SLC12A3: variants seen among roughly 807,000 people sequenced by gnomAD.
SLC12A3 encodes Na-Cl cotransporter.
A neutral mutation model predicts 121.0 loss-of-function variants in SLC12A3; 104 were observed. That is an observed-to-expected ratio of 0.86 (90% CI 0.73 to 1.01). SLC12A3 has a LOEUF of 1.01. Ranked by LOEUF, SLC12A3 falls within the 50% of genes least tolerant of loss-of-function variation. The pLI is 0.00. For missense variants in SLC12A3, 1,328 were observed against 1,356.3 expected (o/e 0.98, Z 0.33); for synonymous variants, 536 against 533.4 (o/e 1.00, Z -0.07).
chr16:56,903,361 G>A (rs541521057), intron 24 of SLC12A3, among the ~76,000 whole-genome samples: 2 of 152,252 alleles, frequency 1.3e-5, no homozygotes, highest in South Asian at 2.1e-4. Context: ...GAGCGAGAGC[G>A]ATGGGGGCAA....
chr16:56,898,643 C>T (rs940020907), intron 22 of SLC12A3, among the ~76,000 whole-genome samples: 1 of 152,236 alleles, frequency 6.6e-6, no homozygotes, highest in East Asian at 1.9e-4. Flanking sequence ...CAATCTTACC[C>T]CTCTTTCACC....
intron 25 of SLC12A3, among the ~76,000 whole-genome samples, chr16:56,912,382 G>A (rs551306580): frequency 8.5e-5 from 13 of 152,336 alleles, no homozygotes; most frequent in South Asian, 8.3e-4. Context: ...TTTTATTCAC[G>A]CAGCATTGCA....
chr16:56,894,829 A>G (rs2055440676), intron 22 of SLC12A3, among the ~76,000 whole-genome samples, 187 bp downstream of exon 22: 1 of 152,272 alleles, frequency 6.6e-6, no homozygotes, highest in Middle Eastern at 3.4e-3. Context: ...GTTTCTCTCC[A>G]TTCCAGAAGT....
chr16:56,870,189 C>A lies in SLC12A3; in HGVS notation c.695C>A (p.Ala232Asp). The A allele has an allele frequency of 1.9e-6, 3 of 1,613,996 alleles. No homozygotes were observed. The highest frequency in any genetic ancestry group is 2.5e-6 in the Non-Finnish European group (3 of 1,180,020). ...GCTTTCGCCAATGCCGTGGGTGTGG[C>A]CATGCACACGGTGGGCTTTGCAGAG... is the stretch of plus-strand genomic sequence containing the variant. ...IFAFANAVGV[A>D]MHTVGFAETV... Residue 232 changes from alanine (A) to aspartate (D), a missense_variant, in exon 5 of 26, where the codon GCC becomes GAC. Ala to Asp is a moderately radical substitution (Grantham distance 126). Coordinates refer to ENST00000563236, the MANE Select transcript of SLC12A3 (RefSeq NM_001126108.2).
At position 56,892,121 on chromosome 16, in the gene SLC12A3, G is replaced by C; in HGVS notation, c.2407G>C (p.Ala803Pro). The part of the protein sequence containing the change: ...VFDPAEDGKE[A>P]SARVDPKALV... Reference sequence around the variant, plus strand: ...TGACCCAGCGGAGGACGGGAAGGAAGCCAGCGCCAGAGGTGCCAGGCCATC... The same window carrying C: ...TGACCCAGCGGAGGACGGGAAGGAACCCAGCGCCAGAGGTGCCAGGCCATC... The change falls in exon 20 of 26, where the codon GCC (alanine) becomes CCC (proline). Residue 803 changes from alanine to proline, a missense_variant. Coordinates refer to ENST00000563236, the MANE Select transcript of SLC12A3 (RefSeq NM_001126108.2). 1.2e-6 allele frequency: 2 copies of C among 1,613,934 alleles called. No homozygotes were observed. The highest frequency in any genetic ancestry group is 1.7e-6 in the Non-Finnish European group (2 of 1,179,874).
chr16:56,910,891 T>C (rs1186972675), intron 25 of SLC12A3, among the ~76,000 whole-genome samples: 1 of 152,214 alleles, frequency 6.6e-6, no homozygotes, highest in African/African-American at 2.4e-5. Flanking sequence ...TTCTGAAGAT[T>C]AGTAGCTCAA....
rs201850644 is a variant in SLC12A3, at chr16:56,865,316, C to G, written c.81C>G (p.Ser27Arg). Residue 27 changes from serine to arginine, a missense_variant, in exon 1 of 26, where the codon AGC becomes AGG. Ser to Arg is a moderately radical substitution (Grantham distance 110). Coordinates refer to ENST00000563236, the MANE Select transcript of SLC12A3 (RefSeq NM_001126108.2). Reference sequence around the variant, plus strand: ...GCTTCACCATCAGCACACTGCTGAGCAGTGATGAGCCCTCTCCACCAGCTG... The same window carrying G: ...GCTTCACCATCAGCACACTGCTGAGGAGTGATGAGCCCTCTCCACCAGCTG... The part of the protein sequence containing the change: ...SGRFTISTLL[S>R]SDEPSPPAAY... 494 of 1,614,010 alleles carry G rather than the reference C, an allele frequency of 3.1e-4. 3 individuals are homozygous for G. Among genetic ancestry groups the G allele is most frequent in the South Asian group, 2.1e-3 (195 of 91,086 alleles).
At chr16:56,873,384 T>C (rs1245122742) in intron 8 of SLC12A3, among the ~76,000 whole-genome samples, 64 of 116,510 alleles carry the variant, frequency 5.5e-4, no homozygotes, top group African/African-American at 2.1e-3. Context: ...CTTTTTTTTT[T>C]TTTTTTTTTT....
intron 9 of SLC12A3, 101 bp downstream of exon 9, chr16:56,878,262 C>A: frequency 1.1e-6 from 1 of 909,706 alleles, no homozygotes; most frequent in South Asian, 1.4e-5. Flanking sequence ...GGGTGGGGTT[C>A]GACTCTCTAA....
At chr16:56,912,454 A>C (rs1211814727) in intron 25 of SLC12A3, among the ~76,000 whole-genome samples, 2 of 152,228 alleles carry the variant, frequency 1.3e-5, no homozygotes, top group Non-Finnish European at 2.9e-5. Context: ...GGCCTCCTGC[A>C]CAGGGCAGGA....
At chr16:56,887,468 G>C (rs1043285612) in intron 17 of SLC12A3, among the ~76,000 whole-genome samples, 4 of 151,728 alleles carry the variant, frequency 2.6e-5, no homozygotes, top group Non-Finnish European at 4.4e-5. Context: ...CAGCCCCCCA[G>C]AGTGCTCGGT....
chr16:56,899,375 A>G (rs555800087), intron 22 of SLC12A3, among the ~76,000 whole-genome samples, 155 bp from the exon 23 acceptor site: 50 of 152,272 alleles, frequency 3.3e-4, no homozygotes, highest in African/African-American at 1.2e-3. Context: ...TGTAATCCCA[A>G]CTACTCGGGA....
chr16:56,868,862 A>G (rs1567426154), intron 3 of SLC12A3, among the ~76,000 whole-genome samples: 1 of 151,940 alleles, frequency 6.6e-6, no homozygotes, highest in Non-Finnish European at 1.5e-5. Flanking sequence ...AATCCCAGCT[A>G]CTCGGGAGGC....
At chr16:56,902,606 TC>T in intron 24 of SLC12A3, 98 bp downstream of exon 24, 1 of 1,457,692 alleles carries the variant, frequency 6.9e-7, no homozygotes, top group Non-Finnish European at 9.4e-7. Flanking sequence ...CCCTCGATCC[TC>T]CACCCTGCCT....
At position 56,899,606 on chromosome 16, in the gene SLC12A3, C is replaced by T. The variant is rs371739823; in HGVS notation, c.2710C>T (p.Arg904Trp). ...HILPDINQNP[R>W]AEHTKRFEDM... ...CCTCCCTGACATCAACCAGAACCCTCGGGCTGAGCAGTAAGTTCTGTTTTG... is the reference window on the plus strand; with the variant it reads ...CCTCCCTGACATCAACCAGAACCCTTGGGCTGAGCAGTAAGTTCTGTTTTG... The change falls in exon 23 of 26, where the codon CGG becomes TGG. Residue 904 changes from arginine (R) to tryptophan (W), a missense_variant. Physicochemically the swap from Arg to Trp is moderately radical, Grantham distance 101. Transcript: ENST00000563236. 88 of 1,613,598 alleles carry T rather than the reference C, an allele frequency of 5.5e-5. No individual in the cohort carries two copies. The highest frequency in any genetic ancestry group is 1.6e-4 in the African/African-American group (12 of 74,938).
At position 56,915,538 on chromosome 16, in the gene SLC12A3, T is replaced by C. The variant is rs574216318; in HGVS notation, c.*2133T>C. The C allele has an allele frequency of 2.3e-4, 35 of 152,362 alleles. No homozygotes were observed. In the East Asian group the frequency reaches 6.8e-3, roughly 29 times the overall value. 9.4% of individuals were successfully genotyped at this position (152,362 alleles called of 1,614,324 possible). On this transcript the variant is annotated 3_prime_UTR_variant, in exon 26 of 26. Transcript: ENST00000563236. ...TCGTGCTCCTGAGGGACCTGGAGGATGGGCCTGCCTCCCAGCCATTGAGCT... is the reference window on the plus strand; with the variant it reads ...TCGTGCTCCTGAGGGACCTGGAGGACGGGCCTGCCTCCCAGCCATTGAGCT...
chr16:56,913,746 T>A lies in SLC12A3; in HGVS notation c.*341T>A, dbSNP rs1162983862. 2.0e-5 allele frequency: 7 copies of A among 353,006 alleles called. No individual in the cohort carries two copies. The highest frequency in any genetic ancestry group is 2.7e-5 in the Non-Finnish European group (5 of 182,584). 21.9% of individuals were successfully genotyped at this position (353,006 alleles called of 1,614,324 possible). ...ATTTGTATGCAAATTGGAGTCCCAA[T>A]GCTGGGCGTGAATCTTGACAGTTTC... is the stretch of plus-strand genomic sequence containing the variant. On this transcript the variant is annotated 3_prime_UTR_variant, in exon 26 of 26. Transcript: ENST00000563236.
intron 6 of SLC12A3, among the ~76,000 whole-genome samples, chr16:56,872,075 C>T (rs2055104999): frequency 6.6e-6 from 1 of 152,164 alleles, no homozygotes. Flanking sequence ...TGGTCTCAAA[C>T]TCCTGACCTC....
intron 21 of SLC12A3, among the ~76,000 whole-genome samples, chr16:56,893,434 C>CT (rs1452248385): frequency 6.6e-6 from 1 of 152,184 alleles, no homozygotes; most frequent in African/African-American, 2.4e-5. Context: ...TTGCTCCTAC[C>CT]TTTGATAGAG....
Sources: allele counts gnomAD v4.1 joint callset (sites outside exome capture counted in the v4.1 genomes callset), GRCh38; gene constraint gnomAD v4.1.1; transcripts MANE v1.5; gene names NCBI Gene and HGNC (gene_info 2026-07-23, HGNC 2026-07-21).